Variants in TIPARP observed in about 807,000 individuals in gnomAD.
TIPARP encodes the protein protein mono-ADP-ribosyltransferase TIPARP.
A neutral mutation model predicts 56.5 loss-of-function variants in TIPARP; 12 were observed. The observed-to-expected ratio is 0.21, with a 90% confidence interval of 0.14 to 0.34. The LOEUF (loss-of-function observed/expected upper bound fraction) is 0.34, where lower values mean the gene tolerates loss of function less well. Ranked by LOEUF, TIPARP falls within the 10% of genes least tolerant of loss-of-function variation. TIPARP has a pLI of 1.00. For synonymous variants in TIPARP, 296 were observed against 265.7 expected (o/e 1.11, Z -1.11); for missense variants, 604 against 781.6 (o/e 0.77, Z 2.71).
In TIPARP at chr3:156,706,468, C is replaced by A. The variant is rs1722984777; in HGVS notation, c.*1337C>A. The A allele has an allele frequency of 6.6e-6, 1 of 152,614 alleles. No homozygotes were observed. The highest frequency in any genetic ancestry group is 1.5e-5 in the Non-Finnish European group (1 of 68,030). 9.5% of individuals were successfully genotyped at this position (152,614 alleles called of 1,614,324 possible). On this transcript the variant is annotated 3_prime_UTR_variant, in exon 6 of 6. Transcript: ENST00000295924. ...TATCTGTACTGATGTCTCAGTGAAT[C>A]AGTCTGTTTATTAAGCACTTATCAG... is the stretch of plus-strand genomic sequence containing the variant.
chr3:156,677,507 A>T, intron 1 of TIPARP, 150 bp from the exon 2 acceptor site: 1 of 550,288 alleles, frequency 1.8e-6, no homozygotes, highest in Non-Finnish European at 3.0e-6. Flanking sequence ...TTTCTCGATA[A>T]AATTTAAAAT....
chr3:156,677,823 A>G lies in TIPARP; in HGVS notation c.126A>G (p.Lys42=), dbSNP rs202198957. Residue 42 remains lysine, a synonymous_variant, in exon 2 of 6, where the codon AAA becomes AAG. Coordinates refer to ENST00000295924, the MANE Select transcript of TIPARP (RefSeq NM_015508.5). ...KITPLKTCFK[K]KDQKRLGTGT... ...CTCCATTGAAGACTTGTTTTAAGAA[A>G]AAGGATCAGAAAAGATTGGGAACTG... 6.2e-7 allele frequency: 1 copy of G among 1,614,202 alleles called. No homozygotes were observed. Among genetic ancestry groups the G allele is most frequent in the Non-Finnish European group, 8.5e-7 (1 of 1,180,044 alleles).
intron 2 of TIPARP, among the ~76,000 whole-genome samples, chr3:156,688,911 C>T (rs1228317373): frequency 2.0e-5 from 3 of 152,034 alleles, no homozygotes; most frequent in Non-Finnish European, 4.4e-5. Context: ...TATGACCCTC[C>T]GTGTTGGGAG....
chr3:156,694,095 G>A lies in TIPARP; in HGVS notation c.993G>A (p.Leu331=), dbSNP rs143106868. The change falls in exon 3 of 6, where the codon CTG becomes CTA. Residue 331 remains leucine (L), a synonymous_variant. Transcript: ENST00000295924. ...CTGAATTTGACCAACTACGAAGGCT[G>A]TCCACACCACCCTCTAGCAATGTCA... ...ETTEFDQLRR[L]STPPSSNVNS... is the part of the protein sequence containing the mutation. The A allele has an allele frequency of 1.6e-4, 265 of 1,613,430 alleles. No individual in the cohort carries two copies. Among genetic ancestry groups the A allele is most frequent in the Non-Finnish European group, 2.1e-4 (247 of 1,179,696 alleles).
At position 156,705,719 on chromosome 3, in the gene TIPARP, T is replaced by C. The variant is rs1005031582; in HGVS notation, c.*588T>C. ...CAGTGACTTTAACTTCTGCAGAGTT[T>C]GCCCCAGAATTCAGAGTTCTATTTA... On this transcript the variant is annotated 3_prime_UTR_variant, in exon 6 of 6. Coordinates refer to ENST00000295924, the MANE Select transcript of TIPARP (RefSeq NM_015508.5). 2 of 152,664 alleles carry C rather than the reference T, an allele frequency of 1.3e-5. No homozygotes were observed. The highest frequency in any genetic ancestry group is 6.5e-5 in the Admixed American group (1 of 15,290). The allele number at this position is 152,664 out of a possible 1,614,324, so 9.5% of individuals were successfully genotyped here.
At chr3:156,691,534 T>G (rs1722574182) in intron 2 of TIPARP, among the ~76,000 whole-genome samples, 1 of 152,164 alleles carries the variant, frequency 6.6e-6, no homozygotes, top group Admixed American at 6.6e-5. Flanking sequence ...ATCACGATTA[T>G]CATACATAGA....
chr3:156,678,804 A>G (rs1722218222), intron 2 of TIPARP, among the ~76,000 whole-genome samples, 190 bp downstream of exon 2: 1 of 152,162 alleles, frequency 6.6e-6, no homozygotes, highest in East Asian at 1.9e-4. Context: ...CCGGACAATG[A>G]AAGTTTTACG....
At chr3:156,690,700 A>G (rs1722551331) in intron 2 of TIPARP, among the ~76,000 whole-genome samples, 1 of 152,158 alleles carries the variant, frequency 6.6e-6, no homozygotes, top group South Asian at 2.1e-4. Context: ...CTTAGATAAA[A>G]CAATACTGAT....
rs753095258 is a variant in TIPARP at position 156,694,010 on chromosome 3, T to G, written c.918-10T>G. The G allele has an allele frequency of 3.2e-6, 5 of 1,572,738 alleles. No homozygotes were observed. The South Asian group carries it at 4.7e-5, about 15-fold the overall frequency. ...GTTTTTGGGTTTTTTTTGTTTTTGT[T>G]TTTTTTTAGAGGACAAGAATTTTGG... On this transcript the variant is annotated splice_polypyrimidine_tract_variant and intron_variant, in intron 2 of 5. Transcript: ENST00000295924.
At chr3:156,675,718 G>C (rs1722107251) in intron 1 of TIPARP, 1 of 152,336 alleles carries the variant, frequency 6.6e-6, no homozygotes, top group Admixed American at 6.5e-5. Context: ...AGGCTTTGGA[G>C]CGGCAGTTTT....
At chr3:156,698,572 AT>A (rs1722775817) in intron 4 of TIPARP, among the ~76,000 whole-genome samples, 1 of 152,208 alleles carries the variant, frequency 6.6e-6, no homozygotes, top group Non-Finnish European at 1.5e-5. Flanking sequence ...TTTACTGAAT[AT>A]TTTAAGCCCA....
intron 4 of TIPARP, 104 bp downstream of exon 4, chr3:156,696,129 T>C (rs344016): frequency 0.96 from 1,190,382 of 1,235,010 alleles, 573,990 homozygotes; most frequent in Middle Eastern, 0.98. Context: ...TGGTTAGTAC[T>C]CCTAGAATGT....
At chr3:156,682,956 T>C (rs1722341882) in intron 2 of TIPARP, among the ~76,000 whole-genome samples, 1 of 152,220 alleles carries the variant, frequency 6.6e-6, no homozygotes, top group African/African-American at 2.4e-5. Flanking sequence ...GAAATAAAAC[T>C]AATTGGCTTC....
At chr3:156,697,077 A>T (rs143856542) in intron 4 of TIPARP, among the ~76,000 whole-genome samples, 1 of 152,206 alleles carries the variant, frequency 6.6e-6, no homozygotes, top group African/African-American at 2.4e-5. Context: ...TTAGAAATAT[A>T]TATTGGATTG....
chr3:156,690,548 A>G (rs912237952), intron 2 of TIPARP, among the ~76,000 whole-genome samples: 1 of 152,150 alleles, frequency 6.6e-6, no homozygotes, highest in African/African-American at 2.4e-5. Context: ...ATGGATTCTT[A>G]TAGTGGGATG....
intron 2 of TIPARP, 137 bp downstream of exon 2, chr3:156,678,751 G>A (rs2108485977): frequency 2.7e-6 from 2 of 728,716 alleles, no homozygotes; most frequent in Non-Finnish European, 2.2e-6. Flanking sequence ...TGACTGTGCT[G>A]TCCTGATTTT....
intron 2 of TIPARP, among the ~76,000 whole-genome samples, chr3:156,686,259 C>T (rs1256501602): frequency 6.6e-6 from 1 of 152,162 alleles, no homozygotes; most frequent in East Asian, 1.9e-4. Flanking sequence ...ATAATTTCGA[C>T]TCTCTTAACT....
At chr3:156,690,055 C>G (rs1433568935) in intron 2 of TIPARP, among the ~76,000 whole-genome samples, 1 of 152,036 alleles carries the variant, frequency 6.6e-6, no homozygotes, top group East Asian at 1.9e-4. Context: ...ATTAATGTGT[C>G]TACTTTAAAT....
Position 156,678,358 on chromosome 3 carries a change from G to T in TIPARP, c.661G>T (p.Asp221Tyr). 2 of 1,614,166 alleles carry T rather than the reference G, an allele frequency of 1.2e-6. No individual in the cohort carries two copies. Among genetic ancestry groups the T allele is most frequent in the South Asian group, 2.2e-5 (2 of 91,052 alleles). ...GGACAAAAGTGAAGAGGCTTCCCTT[G>T]ACCTCGTGTTTGAGCTGGTGAACCA... ...FQDKSEEASL[D>Y]LVFELVNQLQ... The change falls in exon 2 of 6, where the codon GAC becomes TAC. Residue 221 changes from aspartate to tyrosine, a missense_variant. Around this residue, in one of 4 missense-constraint regions of TIPARP, gnomAD observed 261 missense variants for 279.2 expected, o/e 0.93. Coordinates refer to ENST00000295924, the MANE Select transcript of TIPARP (RefSeq NM_015508.5).
Sources: allele counts gnomAD v4.1 joint callset (sites outside exome capture counted in the v4.1 genomes callset), GRCh38; gene constraint gnomAD v4.1.1; regional missense constraint gnomAD v4.1.1; transcripts MANE v1.5; gene names NCBI Gene and HGNC (gene_info 2026-07-23, HGNC 2026-07-21).